CMTM7: variants seen among roughly 807,000 people sequenced by gnomAD.
CMTM7 encodes CKLF-like MARVEL transmembrane domain-containing protein 7.
In CMTM7, 7 loss-of-function variants were observed where a neutral mutation model predicts 19.3. The observed-to-expected ratio is 0.36, with a 90% CI of 0.21 to 0.68. The LOEUF is 0.68. Ranked by LOEUF, CMTM7 falls within the 30% of genes least tolerant of loss-of-function variation. CMTM7 has a pLI of 0.60. For missense variants in CMTM7, 193 were observed against 232.6 expected, an observed-to-expected ratio of 0.83 and a Z score of 1.11; for synonymous variants, 87 against 99.3, an observed-to-expected ratio of 0.88 and a Z score of 0.74.
chr3:32,437,368 G>GC (rs1696612316), intron 1 of CMTM7, among the ~76,000 whole-genome samples: 1 of 151,966 alleles, frequency 6.6e-6, no homozygotes, highest in Admixed American at 6.5e-5. Flanking sequence ...AGGCTGAGAC[G>GC]GGTGGATCAC....
intron 1 of CMTM7, among the ~76,000 whole-genome samples, chr3:32,428,302 C>A (rs888633873): frequency 6.6e-6 from 1 of 152,244 alleles, no homozygotes; most frequent in Non-Finnish European, 1.5e-5. Context: ...GTCCTCCCTG[C>A]AGCCTCAGAG....
intron 2 of CMTM7, among the ~76,000 whole-genome samples, chr3:32,447,122 T>C (rs764277396): frequency 6.6e-6 from 1 of 152,224 alleles, no homozygotes; most frequent in Admixed American, 6.5e-5. Flanking sequence ...TGTCTTCATT[T>C]TCATACATCT....
chr3:32,452,583 G>A (rs978207118), intron 4 of CMTM7, 110 bp downstream of exon 4: 1 of 1,127,124 alleles, frequency 8.9e-7, no homozygotes, highest in Non-Finnish European at 1.3e-6. Context: ...TGTGTTCCAA[G>A]GGGACTTTAG....
intron 1 of CMTM7, among the ~76,000 whole-genome samples, chr3:32,435,178 T>C (rs238365): frequency 0.77 from 117,732 of 151,962 alleles, 45,876 homozygotes; most frequent in Non-Finnish European, 0.79. Context: ...CCGAGGCGGG[T>C]GGATCACGAG....
intron 4 of CMTM7, among the ~76,000 whole-genome samples, chr3:32,452,907 T>A (rs1185745550): frequency 7.1e-6 from 1 of 140,170 alleles, no homozygotes; most frequent in East Asian, 2.1e-4. Context: ...TGCACCACCA[T>A]GCCTAATTTC....
chr3:32,433,383 A>G (rs948409371), intron 1 of CMTM7, among the ~76,000 whole-genome samples: 2 of 152,222 alleles, frequency 1.3e-5, no homozygotes, highest in African/African-American at 4.8e-5. Flanking sequence ...GGGGATGAAA[A>G]GAACATGGCC....
rs147205469 is a variant in CMTM7 at position 32,411,388 on chromosome 3, T to G, written c.159+19323T>G. The stretch of plus-strand genomic sequence containing the variant: ...AATAGGTGAAGAAAAATAAATTGGT[T>G]AAGATATCCCTAAAATTTTTTTACA... On this transcript the variant is annotated intron_variant, in intron 1 of 4. Coordinates refer to ENST00000334983, the MANE Select transcript of CMTM7 (RefSeq NM_138410.4). Among the ~76,000 whole-genome samples, 381 of 152,354 alleles carry G rather than the reference T, an allele frequency of 2.5e-3. 1 individual carries two copies. Among genetic ancestry groups the G allele is most frequent in the African/African-American group, 8.9e-3 (371 of 41,590 alleles).
At chr3:32,424,877 C>G (rs527646247) in intron 1 of CMTM7, among the ~76,000 whole-genome samples, 1 of 152,290 alleles carries the variant, frequency 6.6e-6, no homozygotes, top group East Asian at 1.9e-4. Context: ...AAGTCCTGAG[C>G]TCAAAAGATC....
At chr3:32,427,232 A>G (rs1417664195) in intron 1 of CMTM7, among the ~76,000 whole-genome samples, 1 of 152,208 alleles carries the variant, frequency 6.6e-6, no homozygotes, top group African/African-American at 2.4e-5. Context: ...AGCCCTTCCT[A>G]GAAGCCCAAT....
At chr3:32,422,472 C>T (rs181091258) in intron 1 of CMTM7, among the ~76,000 whole-genome samples, 3 of 152,350 alleles carry the variant, frequency 2.0e-5, no homozygotes, top group Admixed American at 6.5e-5. Flanking sequence ...TGTCAAGGTT[C>T]CTTAGGATTA....
At chr3:32,419,679 A>G (rs1201447828) in intron 1 of CMTM7, among the ~76,000 whole-genome samples, 1 of 152,242 alleles carries the variant, frequency 6.6e-6, no homozygotes, top group Non-Finnish European at 1.5e-5. Context: ...AGGCATATAC[A>G]TTTGAAACAT....
intron 1 of CMTM7, among the ~76,000 whole-genome samples, chr3:32,401,471 G>A (rs1482706578): frequency 1.3e-5 from 2 of 152,328 alleles, no homozygotes; most frequent in East Asian, 3.9e-4. Context: ...GCACTGCAGG[G>A]GCCCTAGAGA....
At chr3:32,405,134 G>A (rs189293629) in intron 1 of CMTM7, among the ~76,000 whole-genome samples, 52 of 152,324 alleles carry the variant, frequency 3.4e-4, no homozygotes, top group Admixed American at 7.8e-4. Context: ...ATGTGAGCTC[G>A]GAAGAGGACC....
chr3:32,395,818 A>G (rs771658174), intron 1 of CMTM7, among the ~76,000 whole-genome samples: 2 of 152,256 alleles, frequency 1.3e-5, no homozygotes, highest in Non-Finnish European at 2.9e-5. Context: ...GAAGACTTAC[A>G]CATTCATATG....
intron 1 of CMTM7, among the ~76,000 whole-genome samples, chr3:32,411,876 C>T (rs140495396): frequency 1.7e-3 from 250 of 150,612 alleles, no homozygotes; most frequent in African/African-American, 6.0e-3. Context: ...GTCAGGAGTT[C>T]GAACGAAGCT....
chr3:32,436,775 G>A (rs1376657221), intron 1 of CMTM7, among the ~76,000 whole-genome samples: 2 of 152,044 alleles, frequency 1.3e-5, no homozygotes, highest in African/African-American at 2.4e-5. Flanking sequence ...GCAGAGGCAC[G>A]AGGGCTCAGG....
rs571622844 is a variant in CMTM7, at chr3:32,428,597, A to G, written c.160-13243A>G. Reference sequence around the variant, plus strand: ...CTAAGCCGGCCTGGGCTTTGGCTGTAAGGAGTCAGTCTCATCTTAGTGTGA... The same window carrying G: ...CTAAGCCGGCCTGGGCTTTGGCTGTGAGGAGTCAGTCTCATCTTAGTGTGA... On this transcript the variant is annotated intron_variant, in intron 1 of 4. Coordinates refer to ENST00000334983, the MANE Select transcript of CMTM7 (RefSeq NM_138410.4). Among the ~76,000 whole-genome samples the G allele has an allele frequency of 2.6e-5, 4 of 152,312 alleles. No individual in the cohort carries two copies. The East Asian group carries it at 7.7e-4, about 29-fold the overall frequency.
intron 1 of CMTM7, among the ~76,000 whole-genome samples, chr3:32,403,597 C>T (rs2343912): frequency 0.17 from 25,460 of 152,060 alleles, 2,276 homozygotes; most frequent in East Asian, 0.28. Flanking sequence ...CCCAACTCAT[C>T]GAGGAAACTG....
At chr3:32,432,547 G>A (rs1380878404) in intron 1 of CMTM7, among the ~76,000 whole-genome samples, 2 of 152,244 alleles carry the variant, frequency 1.3e-5, no homozygotes, top group African/African-American at 2.4e-5. Context: ...GCCCTGAAGA[G>A]GTGCCTGCTG....
Sources: gnomAD v4.1 joint callset for allele counts (sites outside exome capture counted in the v4.1 genomes callset) on GRCh38, gnomAD v4.1.1 for gene constraint, MANE v1.5 for transcripts, NCBI Gene and HGNC (gene_info 2026-07-23, HGNC 2026-07-21) for gene names.